KATNAL2: variants seen among roughly 807,000 people sequenced by gnomAD.
KATNAL2 encodes the protein katanin p60 ATPase-containing subunit A-like 2.
In KATNAL2, 52 loss-of-function variants were observed where a neutral mutation model predicts 76.3. That is an observed-to-expected ratio of 0.68 (90% CI 0.55 to 0.86). KATNAL2 has a LOEUF of 0.86. KATNAL2 is among the 40% of genes least tolerant of loss of function. The pLI, the probability that KATNAL2 is intolerant of heterozygous loss-of-function variation, is 0.00. For missense variants in KATNAL2, 660 were observed against 668.9 expected (o/e 0.99, Z 0.15); for synonymous variants, 243 against 244.2 (o/e 1.00, Z 0.05).
intron 10 of KATNAL2, among the ~76,000 whole-genome samples, chr18:47,064,885 C>T (rs997816224): frequency 6.6e-6 from 1 of 152,112 alleles, no homozygotes; most frequent in Non-Finnish European, 1.5e-5. Context: ...CAAGGAGAAA[C>T]TGTCAGTTGG....
chr18:46,932,246 CAAT>C, intron 1 of KATNAL2, among the ~76,000 whole-genome samples: 1 of 152,128 alleles, frequency 6.6e-6, no homozygotes, highest in Middle Eastern at 3.4e-3. Flanking sequence ...CATTAGAAGA[CAAT>C]AACAAAATTT....
intron 3 of KATNAL2, among the ~76,000 whole-genome samples, chr18:47,043,083 C>T (rs1362775968): frequency 6.6e-6 from 1 of 151,908 alleles, no homozygotes; most frequent in Non-Finnish European, 1.5e-5. Context: ...AAAAATTAGC[C>T]GAGCGTGGTG....
At position 47,044,425 on chromosome 18, in the gene KATNAL2, G is replaced by GTGA. The variant is rs572326403; in HGVS notation, c.52-2031_52-2029dup. On this transcript the variant is annotated intron_variant, in intron 3 of 17. Coordinates refer to ENST00000683218, the MANE Select transcript of KATNAL2 (RefSeq NM_001387690.1). ...ATGGTGGTGATGGTTGTACAACAAT[G>GTGA]TGAATGTATTTAATGACACTGAACT... Among the ~76,000 whole-genome samples, 1,135 of 152,276 alleles carry GTGA rather than the reference G, an allele frequency of 7.5e-3. 7 individuals carry two copies. The highest frequency in any genetic ancestry group is 0.017 in the Middle Eastern group (5 of 294).
intron 8 of KATNAL2, among the ~76,000 whole-genome samples, chr18:47,060,854 C>A (rs1329715802): frequency 1.3e-5 from 2 of 152,202 alleles, no homozygotes; most frequent in Non-Finnish European, 1.5e-5. Context: ...AAAAATGTCT[C>A]CTTGTTCACC....
Position 47,101,656 on chromosome 18 carries a change from G to C in KATNAL2, c.*651G>C, listed in dbSNP as rs2063440442. ...CACCATCACCATCAGCTGCCAGTCT[G>C]ATTGTTTTGGGTTCTGGCCCCCAAT... On this transcript the variant is annotated 3_prime_UTR_variant, in exon 18 of 18. Transcript: ENST00000683218. 1 of 152,980 alleles carries C rather than the reference G, an allele frequency of 6.5e-6. No individual in the cohort carries two copies. Among genetic ancestry groups the C allele is most frequent in the Non-Finnish European group, 1.5e-5 (1 of 68,608 alleles). 9.5% of individuals were successfully genotyped at this position (152,980 alleles called of 1,614,324 possible).
chr18:47,032,764 A>G, intron 3 of KATNAL2: 2 of 670,508 alleles, frequency 3.0e-6, no homozygotes, highest in Non-Finnish European at 4.9e-6. Context: ...CCAAAATAGA[A>G]TTGTTCCCAA....
At chr18:47,031,520 G>A (rs1159652061) in intron 3 of KATNAL2, among the ~76,000 whole-genome samples, 3 of 152,110 alleles carry the variant, frequency 2.0e-5, no homozygotes, top group African/African-American at 7.2e-5. Context: ...CGGGTGTTAA[G>A]CCTTTTCTTA....
rs4890347 is a variant in KATNAL2, at chr18:46,929,076, G to T, written c.-510+11150G>T. ...CTCCCAAAGTGCCGGGATTACAGGC[G>T]TGAGCCACTGTGCCCGGCTTTGCTC... On this transcript the variant is annotated intron_variant, in intron 1 of 17. Coordinates refer to ENST00000683218, the MANE Select transcript of KATNAL2 (RefSeq NM_001387690.1). 3.3e-5 allele frequency among the ~76,000 whole-genome samples: 5 copies of T among 151,920 alleles called. 1 individual carries two copies. Among genetic ancestry groups the T allele is most frequent in the African/African-American group, 1.2e-4 (5 of 41,424 alleles).
chr18:46,955,140 C>CTCTCTTTCTCTCTTTCTT (rs1555834717), intron 3 of KATNAL2, among the ~76,000 whole-genome samples: 1 of 85,020 alleles, frequency 1.2e-5, no homozygotes, highest in Non-Finnish European at 2.3e-5. Context: ...CTTTCTCTCT[C>CTCTCTTTCTCTCTTTCTT]TCTTTCTTTC....
At chr18:46,922,814 T>C (rs1182675399) in intron 1 of KATNAL2, among the ~76,000 whole-genome samples, 1 of 151,070 alleles carries the variant, frequency 6.6e-6, no homozygotes, top group African/African-American at 2.4e-5. Context: ...AAATAAATAA[T>C]AAAAAGTTGA....
At chr18:46,923,895 A>G (rs976450353) in intron 1 of KATNAL2, among the ~76,000 whole-genome samples, 5 of 152,202 alleles carry the variant, frequency 3.3e-5, no homozygotes, top group African/African-American at 1.2e-4. Context: ...GTCTGTTCAT[A>G]TCCTTTGCCC....
chr18:47,062,786 T>G (rs1185479857), intron 8 of KATNAL2, among the ~76,000 whole-genome samples, 186 bp from the exon 9 acceptor site: 1 of 152,234 alleles, frequency 6.6e-6, no homozygotes, highest in Non-Finnish European at 1.5e-5. Flanking sequence ...CTTACAATTT[T>G]TTAAGGTGCT....
At chr18:47,032,919 A>G (rs1218249929) in intron 3 of KATNAL2, 13 of 1,609,072 alleles carry the variant, frequency 8.1e-6, no homozygotes, top group Admixed American at 3.3e-5. Flanking sequence ...TCTGGTGTCC[A>G]TTGGAAGTTT....
intron 1 of KATNAL2, among the ~76,000 whole-genome samples, chr18:46,925,513 T>A (rs1279266483): frequency 6.6e-6 from 1 of 152,206 alleles, no homozygotes; most frequent in African/African-American, 2.4e-5. Flanking sequence ...TTTGCATCAG[T>A]GTTCATCAAG....
At chr18:47,068,934 G>C (rs1371059434) in intron 11 of KATNAL2, among the ~76,000 whole-genome samples, 1 of 152,198 alleles carries the variant, frequency 6.6e-6, no homozygotes, top group African/African-American at 2.4e-5. Flanking sequence ...AGAAATAACT[G>C]TTTAACGGAG....
chr18:47,052,519 C>T (rs2061365606), intron 4 of KATNAL2, among the ~76,000 whole-genome samples: 1 of 152,092 alleles, frequency 6.6e-6, no homozygotes, highest in Non-Finnish European at 1.5e-5. Context: ...AAAGAGGTAA[C>T]CAAGTTTGGG....
chr18:46,934,708 C>T (rs984144281), intron 1 of KATNAL2, among the ~76,000 whole-genome samples: 2 of 152,184 alleles, frequency 1.3e-5, no homozygotes, highest in African/African-American at 4.8e-5. Flanking sequence ...GTGTTTTAGA[C>T]ATGAAGTCCT....
At chr18:47,077,507 C>A (rs1170659435) in intron 15 of KATNAL2, 46 bp downstream of exon 15, 2 of 1,397,630 alleles carry the variant, frequency 1.4e-6, no homozygotes, top group Non-Finnish European at 1.0e-6. Context: ...TCAGGAGTCA[C>A]TAAGTGCAAA....
intron 1 of KATNAL2, among the ~76,000 whole-genome samples, chr18:46,934,814 T>A (rs2059039694): frequency 6.6e-6 from 1 of 152,222 alleles, no homozygotes; most frequent in Non-Finnish European, 1.5e-5. Flanking sequence ...CCATCTTGAA[T>A]TAATTTTTGT....
Sources: allele counts gnomAD v4.1 joint callset (sites outside exome capture counted in the v4.1 genomes callset), GRCh38; gene constraint gnomAD v4.1.1; transcripts MANE v1.5; gene names NCBI Gene and HGNC (gene_info 2026-07-23, HGNC 2026-07-21).